The following DRC4 variants were observed in gnomAD, a reference collection of about 807,000 sequenced individuals.
The protein encoded by DRC4 is GAS-11.
the DRC4 span, among the ~76,000 whole-genome samples, chr16:90,023,030 C>T: frequency 6.6e-6 from 1 of 152,148 alleles, no homozygotes; most frequent in Non-Finnish European, 1.5e-5. Context: ...GAACATGCGT[C>T]AAGGGGACTC....
the DRC4 span, chr16:90,020,147 C>T: frequency 1.8e-6 from 1 of 554,996 alleles, no homozygotes; most frequent in Non-Finnish European, 3.2e-6. Context: ...CACATTAGAT[C>T]ATTGCATTTG....
chr16:90,037,535 C>T, the DRC4 span: 1 of 1,107,238 alleles, frequency 9.0e-7, no homozygotes. Context: ...CCTTTCTCTG[C>T]CTCGTGTTCT....
the DRC4 span, among the ~76,000 whole-genome samples, chr16:90,041,629 C>G: frequency 6.6e-6 from 1 of 152,088 alleles, no homozygotes; most frequent in Admixed American, 6.5e-5. Context: ...GATGGTGAAA[C>G]CCCGTCTCTA....
the DRC4 span, among the ~76,000 whole-genome samples, chr16:90,039,479 G>C: frequency 9.0e-6 from 1 of 110,538 alleles, no homozygotes; most frequent in Non-Finnish European, 1.8e-5. Flanking sequence ...TCCACCTCCT[G>C]GGTTCAAGTG....
chr16:90,043,300 G>A, the DRC4 span: 1 of 1,613,122 alleles, frequency 6.2e-7, no homozygotes. Flanking sequence ...TGATCGGACA[G>A]ACACTGGGCC....
At chr16:90,041,207 G>C in the DRC4 span, among the ~76,000 whole-genome samples, 1 of 152,246 alleles carries the variant, frequency 6.6e-6, no homozygotes, top group East Asian at 1.9e-4. Context: ...ACGCGCCAGG[G>C]TGAGGATGGA....
the DRC4 span, among the ~76,000 whole-genome samples, chr16:90,030,779 G>A: frequency 6.6e-6 from 1 of 151,996 alleles, no homozygotes; most frequent in Non-Finnish European, 1.5e-5. Flanking sequence ...ATCATGCCTA[G>A]TTAATGAAAA....
chr16:90,020,001 A>T, the DRC4 span: 1 of 700,114 alleles, frequency 1.4e-6, no homozygotes, highest in South Asian at 1.5e-5. Context: ...GAGAGCGCCA[A>T]GGCAGTTTCG....
chr16:90,037,055 G>A, the DRC4 span: 1 of 633,244 alleles, frequency 1.6e-6, no homozygotes, highest in South Asian at 2.1e-5. Flanking sequence ...AGAAAACTCA[G>A]AATAAGTTGA....
the DRC4 span, among the ~76,000 whole-genome samples, chr16:90,027,321 C>G: frequency 1.3e-5 from 2 of 152,176 alleles, no homozygotes; most frequent in Non-Finnish European, 2.9e-5. Flanking sequence ...ATCTCCTGAC[C>G]TCGTGATCCG....
the DRC4 span, chr16:90,043,386 G>T: frequency 2.5e-6 from 4 of 1,570,688 alleles, no homozygotes; most frequent in African/African-American, 1.4e-5. Flanking sequence ...ACCAGCCTAG[G>T]AACACTCGGG....
At chr16:90,038,305 T>G in the DRC4 span, among the ~76,000 whole-genome samples, 2 of 152,162 alleles carry the variant, frequency 1.3e-5, no homozygotes, top group African/African-American at 2.4e-5. Context: ...CATGCTCTCG[T>G]GTGGATGTGA....
the DRC4 span, chr16:90,035,487 T>A: frequency 9.8e-7 from 1 of 1,018,500 alleles, no homozygotes; most frequent in Non-Finnish European, 1.5e-6. Context: ...TCATGTTCTC[T>A]CTCAAGCTTA....
At chr16:90,025,881 A>G in the DRC4 span, among the ~76,000 whole-genome samples, 1 of 151,970 alleles carries the variant, frequency 6.6e-6, no homozygotes, top group South Asian at 2.1e-4. Flanking sequence ...AAAAAAAAAA[A>G]AAAAAAGATA....
At chr16:90,040,505 T>C in the DRC4 span, 1 of 1,598,412 alleles carries the variant, frequency 6.3e-7, no homozygotes, top group East Asian at 2.3e-5. Context: ...TCCCGCAAGC[T>C]GGAGGTAGGC....
chr16:90,022,444 C>A, the DRC4 span, among the ~76,000 whole-genome samples: 345 of 152,360 alleles, frequency 2.3e-3, 6 homozygotes, highest in African/African-American at 8.1e-3. Flanking sequence ...GGGTTCCCCC[C>A]TCGTGGAGCT....
the DRC4 span, chr16:90,022,518 T>G: frequency 2.0e-6 from 1 of 493,184 alleles, no homozygotes; most frequent in South Asian, 3.6e-5. Flanking sequence ...CGGCGACATT[T>G]TCCCAACGTT....
the DRC4 span, chr16:90,035,915 C>G: frequency 6.9e-7 from 1 of 1,439,794 alleles, no homozygotes; most frequent in Non-Finnish European, 9.1e-7. Flanking sequence ...ACACACATTC[C>G]CACTCCTAGC....
the DRC4 span, chr16:90,044,508 A>C: frequency 2.1e-6 from 1 of 471,134 alleles, no homozygotes; most frequent in Non-Finnish European, 4.4e-6. Flanking sequence ...TCACCTCCAC[A>C]TGTGGGTAGA....
Sources: allele counts gnomAD v4.1 joint callset (sites outside exome capture counted in the v4.1 genomes callset), GRCh38; gene constraint gnomAD v4.1.1; transcripts MANE v1.5; gene names NCBI Gene and HGNC (gene_info 2026-07-23, HGNC 2026-07-21).